The following TTC28 variants were observed in gnomAD, a reference collection of about 807,000 sequenced individuals.
The protein encoded by TTC28 is tetratricopeptide repeat domain 28.
In TTC28, 61 loss-of-function variants were observed where a neutral mutation model predicts 198.0. The observed-to-expected ratio is 0.31, with a 90% confidence interval of 0.25 to 0.38. The LOEUF (loss-of-function observed/expected upper bound fraction) is 0.38. Ranked by LOEUF, TTC28 falls within the 10% of genes least tolerant of loss-of-function variation. The pLI is 1.00. For missense variants in TTC28, 2,678 were observed against 3,164.0 expected (o/e 0.85, Z 3.69); for synonymous variants, 1,171 against 1,297.8 (o/e 0.90, Z 2.10).
At chr22:28,399,539 C>T (rs181307100) in intron 2 of TTC28, among the ~76,000 whole-genome samples, 9 of 151,908 alleles carry the variant, frequency 5.9e-5, no homozygotes, top group Non-Finnish European at 1.2e-4. Context: ...CTCCTGGGCT[C>T]AAGTAGTACT....
chr22:28,556,633 G>A (rs114530836), intron 2 of TTC28, among the ~76,000 whole-genome samples: 2,887 of 152,200 alleles, frequency 0.019, 101 homozygotes, highest in African/African-American at 0.065. Flanking sequence ...AAAACACAGC[G>A]GCTTAAAACA....
chr22:28,389,325 C>T (rs1019368784), intron 2 of TTC28, among the ~76,000 whole-genome samples: 9 of 151,754 alleles, frequency 5.9e-5, no homozygotes, highest in African/African-American at 2.2e-4. Context: ...TGTCTCTGCC[C>T]GGCTTTGGTA....
rs1429541473 is a variant in TTC28, at chr22:28,163,534, T to A, written c.999A>T (p.Ala333=). The change falls in exon 6 of 23, where the codon GCA becomes GCT. Residue 333 remains alanine, a synonymous_variant. Coordinates refer to ENST00000397906, the MANE Select transcript of TTC28 (RefSeq NM_001145418.2). ...GAACACACTGTTTGTGACTGGCCAG[T>A]GCATTGGGGTAGTCTCCAATGGCTG... ...VYTAIGDYPN[A]LASHKQCVLL... is the part of the protein sequence containing the mutation. 6.4e-7 allele frequency: 1 copy of A among 1,551,558 alleles called. No homozygotes were observed. Among genetic ancestry groups the A allele is most frequent in the Non-Finnish European group, 8.7e-7 (1 of 1,146,978 alleles).
chr22:28,058,066 T>C (rs911111162), intron 12 of TTC28, among the ~76,000 whole-genome samples: 1 of 152,168 alleles, frequency 6.6e-6, no homozygotes, highest in African/African-American at 2.4e-5. Flanking sequence ...GCTTTGGATA[T>C]TCTAGGTCAA....
At chr22:28,321,961 A>G (rs1019825067) in intron 2 of TTC28, among the ~76,000 whole-genome samples, 3 of 152,120 alleles carry the variant, frequency 2.0e-5, no homozygotes, top group African/African-American at 7.2e-5. Context: ...CTTCCTGAGT[A>G]GCTGGGACTA....
At chr22:28,276,408 G>A (rs1932433748) in intron 5 of TTC28, among the ~76,000 whole-genome samples, 1 of 152,136 alleles carries the variant, frequency 6.6e-6, no homozygotes, top group Non-Finnish European at 1.5e-5. Flanking sequence ...GTATATCAAA[G>A]GAAAAATAAG....
intron 2 of TTC28, among the ~76,000 whole-genome samples, chr22:28,407,769 A>C (rs1367225416): frequency 1.3e-5 from 2 of 152,192 alleles, no homozygotes; most frequent in African/African-American, 4.8e-5. Flanking sequence ...CTCGCTGACA[A>C]ATTCTTATCT....
intron 2 of TTC28, among the ~76,000 whole-genome samples, chr22:28,435,454 C>A (rs1229387848): frequency 6.6e-6 from 1 of 152,174 alleles, no homozygotes; most frequent in Non-Finnish European, 1.5e-5. Context: ...ATGGTTTTAG[C>A]ACATCAATAA....
chr22:28,025,027 G>A (rs1938770771), intron 13 of TTC28, among the ~76,000 whole-genome samples: 3 of 152,344 alleles, frequency 2.0e-5, no homozygotes, highest in South Asian at 4.1e-4. Flanking sequence ...AGAAAGCTGG[G>A]TATGCAATCT....
At chr22:28,593,907 T>G (rs2050487001) in intron 2 of TTC28, among the ~76,000 whole-genome samples, 1 of 152,120 alleles carries the variant, frequency 6.6e-6, no homozygotes, top group Non-Finnish European at 1.5e-5. Context: ...AAGAATGACT[T>G]TTCAGGAATG....
chr22:28,001,494 C>T lies in TTC28; in HGVS notation c.4278G>A (p.Glu1426=), dbSNP rs750049212. ...GRHRQLILVL[E]GELYLIPFAL... ...CGAAAGGAATGAGGTAGAGCTCCCC[C>T]TCCAGAACCAGGATGAGCTGCCGGT... is the stretch of plus-strand genomic sequence containing the variant. Residue 1426 remains glutamate (E), a synonymous_variant, in exon 15 of 23, where the codon GAG becomes GAA. Transcript: ENST00000397906. The T allele has an allele frequency of 6.4e-6, 10 of 1,551,544 alleles. No homozygotes were observed. Among genetic ancestry groups the T allele is most frequent in the Admixed American group, 2.0e-5 (1 of 51,014 alleles).
chr22:28,552,924 T>C (rs1158423125), intron 2 of TTC28, among the ~76,000 whole-genome samples: 3 of 152,124 alleles, frequency 2.0e-5, no homozygotes, highest in Admixed American at 6.5e-5. Flanking sequence ...GTGCCTGTGA[T>C]TGCAGGCGCG....
chr22:28,053,754 T>TC (rs1239385605), intron 12 of TTC28, among the ~76,000 whole-genome samples: 1 of 152,084 alleles, frequency 6.6e-6, no homozygotes, highest in African/African-American at 2.4e-5. Context: ...ATTCCTCTTT[T>TC]CTTTTTTTTA....
At chr22:28,025,083 G>T (rs370179982) in intron 13 of TTC28, among the ~76,000 whole-genome samples, 4 of 152,224 alleles carry the variant, frequency 2.6e-5, no homozygotes, top group South Asian at 2.1e-4. Context: ...CGGCAGATTG[G>T]GTCATCACTC....
intron 6 of TTC28, among the ~76,000 whole-genome samples, chr22:28,134,661 A>G (rs1285713793): frequency 1.3e-5 from 2 of 152,220 alleles, no homozygotes; most frequent in Non-Finnish European, 2.9e-5. Context: ...AAGAGTAAAA[A>G]GAAATGAACG....
chr22:28,061,247 T>A (rs1292166375), intron 12 of TTC28, among the ~76,000 whole-genome samples: 1 of 152,232 alleles, frequency 6.6e-6, no homozygotes, highest in Non-Finnish European at 1.5e-5. Context: ...CAATTTTAGC[T>A]TTTGTTGCCA....
chr22:28,112,397 T>A (rs1454947682), intron 6 of TTC28, among the ~76,000 whole-genome samples: 1 of 152,198 alleles, frequency 6.6e-6, no homozygotes, highest in South Asian at 2.1e-4. Context: ...GGCAAAATGA[T>A]CTGATCTCCA....
At chr22:28,020,358 A>G (rs1938542207) in intron 13 of TTC28, among the ~76,000 whole-genome samples, 1 of 152,214 alleles carries the variant, frequency 6.6e-6, no homozygotes, top group Admixed American at 6.5e-5. Flanking sequence ...CTACTTCGGG[A>G]ACATTTTCAT....
intron 5 of TTC28, among the ~76,000 whole-genome samples, chr22:28,286,476 A>G (rs1028678233): frequency 1.3e-4 from 20 of 152,316 alleles, no homozygotes; most frequent in African/African-American, 4.8e-4. Context: ...GCACATCTCA[A>G]TTAAAACTAC....
Sources: gnomAD v4.1 joint callset for allele counts (sites outside exome capture counted in the v4.1 genomes callset) on GRCh38, gnomAD v4.1.1 for gene constraint, MANE v1.5 for transcripts, NCBI Gene and HGNC (gene_info 2026-07-23, HGNC 2026-07-21) for gene names.